The following PLIN5 variants were observed in gnomAD, a reference collection of about 807,000 sequenced individuals.
The protein encoded by PLIN5 is perilipin 5, also known as perilipin-5.
Under a neutral mutation model 32.8 loss-of-function variants are expected in PLIN5, and 34 were observed. The observed-to-expected ratio is 1.04, with a 90% CI of 0.79 to 1.38. PLIN5 has a LOEUF of 1.38. Ranked by LOEUF, PLIN5 falls within the 40% of genes most tolerant of loss-of-function variation. The pLI is 0.00. For missense variants in PLIN5, 712 were observed against 660.5 expected, an observed-to-expected ratio of 1.08 and a Z score of -0.85; for synonymous variants, 309 against 292.9, an observed-to-expected ratio of 1.05 and a Z score of -0.56.
At position 4,525,798 on chromosome 19, in the gene PLIN5, C is replaced by T; in HGVS notation, c.555G>A (p.Val185=). ...ALAAEAEGPE[V]GSVEDQRRQQ... ...GTCTCCTCTGATCCTCCACCGAACCCACTTCAGGGCCTTCAGCCTCAGCCG... is the reference window on the plus strand; with the variant it reads ...GTCTCCTCTGATCCTCCACCGAACCTACTTCAGGGCCTTCAGCCTCAGCCG... The change falls in exon 6 of 8, where the codon GTG becomes GTA. Residue 185 remains valine, a synonymous_variant. Coordinates refer to ENST00000381848, the MANE Select transcript of PLIN5 (RefSeq NM_001013706.3). This position sits in a 1 kb window ranked among gnomAD's most constrained non-coding sequence, Gnocchi z 5.6. The T allele has an allele frequency of 6.2e-7, 1 of 1,613,092 alleles. No individual in the cohort carries two copies. The highest frequency in any genetic ancestry group is 8.5e-7 in the Non-Finnish European group (1 of 1,179,888).
At chr19:4,528,450 C>T (rs1452141930) in intron 5 of PLIN5, 1 of 151,978 alleles carries the variant, frequency 6.6e-6, no homozygotes, top group Non-Finnish European at 1.5e-5. Context: ...GCACTGTGGC[C>T]TGGGCTGGAG....
chr19:4,523,568 C>A lies in PLIN5; in HGVS notation c.1352G>T (p.Cys451Phe). The A allele has an allele frequency of 6.3e-7, 1 of 1,594,966 alleles. No homozygotes were observed. Among genetic ancestry groups the A allele is most frequent in the Non-Finnish European group, 8.5e-7 (1 of 1,169,888 alleles). Residue 451 changes from cysteine to phenylalanine, a missense_variant, in exon 8 of 8, where the codon TGC becomes TTC. Transcript: ENST00000381848. This position sits in a 1 kb window ranked among gnomAD's most constrained non-coding sequence, Gnocchi z 5.0. Reference protein sequence around the residue: ...ICEQEPETPSCPVKHTLMPEL... With the variant: ...ICEQEPETPSFPVKHTLMPEL... ...GGGCATCAGGGTGTGCTTGACCGGG[C>A]AGCTGGGGGTCTCGGGTTCCTGCTC...
At chr19:4,532,811 G>A (rs1321951653) in intron 2 of PLIN5, 1 of 152,226 alleles carries the variant, frequency 6.6e-6, no homozygotes, top group East Asian at 1.9e-4. Flanking sequence ...TGGGATTACA[G>A]GTGCACACCA....
intron 4 of PLIN5, 75 bp downstream of exon 4, chr19:4,529,709 C>G (rs898700566): frequency 8.5e-7 from 1 of 1,171,176 alleles, no homozygotes; most frequent in Non-Finnish European, 1.3e-6. Flanking sequence ...CTGGTTGTCA[C>G]CATCCCTCCC....
intron 3 of PLIN5, among the ~76,000 whole-genome samples, chr19:4,530,995 G>T (rs1380426951): frequency 2.1e-5 from 3 of 144,308 alleles, no homozygotes; most frequent in African/African-American, 7.7e-5. Context: ...AGTTTTTTTT[G>T]TTTGTTTTTG....
In PLIN5 at chr19:4,525,106, G is replaced by T; in HGVS notation, c.721-30C>A. 2.0e-6 allele frequency: 2 copies of T among 1,021,364 alleles called. No homozygotes were observed. Among genetic ancestry groups the T allele is most frequent in the Non-Finnish European group, 2.6e-6 (2 of 767,666 alleles). The allele number at this position is 1,021,364 out of a possible 1,614,324, so 63.3% of individuals were successfully genotyped here. On this transcript the variant is annotated intron_variant, in intron 6 of 7. Transcript: ENST00000381848. This position sits in a 1 kb window ranked among gnomAD's most constrained non-coding sequence, Gnocchi z 5.6. ...AAGGACAGAAATGGTGGTCTTCAGA[G>T]CTGGGGGAGCTGGGGGAGCTGGGGG...
At chr19:4,529,411 C>CACCCTCTGTGAGGGA in intron 4 of PLIN5, 158 bp from the exon 5 acceptor site, 1 of 764,214 alleles carries the variant, frequency 1.3e-6, no homozygotes, top group Non-Finnish European at 2.1e-6. Context: ...CCTTCCCTCA[C>CACCCTCTGTGAGGGA]AGAGGGTGTT....
intron 3 of PLIN5, among the ~76,000 whole-genome samples, chr19:4,530,568 G>A (rs556835730): frequency 1.9e-4 from 29 of 152,252 alleles, no homozygotes; most frequent in African/African-American, 7.0e-4. Flanking sequence ...ATGGACCCAA[G>A]GCACATCAGG....
At position 4,527,701 on chromosome 19, in the gene PLIN5, C is replaced by T. The variant is rs182604041; in HGVS notation, c.520+1372G>A. Among the ~76,000 whole-genome samples, 59 of 151,476 alleles carry T rather than the reference C, an allele frequency of 3.9e-4. No homozygotes were observed. In the South Asian group the frequency reaches 6.9e-3, roughly 18 times the overall value. On this transcript the variant is annotated intron_variant, in intron 5 of 7. Transcript: ENST00000381848. ...CTCTACTAAATACACAAAAATTAGCCGGGTGTAGTGGTGGGTGCCTGTAAT... is the reference window on the plus strand; with the variant it reads ...CTCTACTAAATACACAAAAATTAGCTGGGTGTAGTGGTGGGTGCCTGTAAT...
chr19:4,525,846 T>TACGGGGACAGC lies in PLIN5; in HGVS notation c.521-25_521-15dup, dbSNP rs777453690. 3.4e-4 allele frequency: 528 copies of TACGGGGACAGC among 1,559,898 alleles called. 2 individuals carry two copies. In the East Asian group the frequency reaches 3.4e-3, roughly 10 times the overall value. On this transcript the variant is annotated splice_polypyrimidine_tract_variant and intron_variant, in intron 5 of 7. Transcript: ENST00000381848. The surrounding 1 kb of genome is among the most constrained non-coding windows in gnomAD (Gnocchi z 5.6). ...CCGCCAGTGCCGCTGGAGGACAGGA[T>TACGGGGACAGC]ACGGGGACAGCACGGGGACAGGATA...
chr19:4,529,517 T>A (rs978929171), intron 4 of PLIN5: 24 of 527,246 alleles, frequency 4.6e-5, no homozygotes, highest in African/African-American at 4.2e-4. Context: ...TACATGTATA[T>A]ATACACATAT....
Position 4,531,827 on chromosome 19 carries a change from G to T in PLIN5, c.61-5C>A. ...CACCACACGCTGCACCACGTTCTGC[G>T]GGAAGGGTCGGCATCAGGGGGACCC... On this transcript the variant is annotated splice_region_variant and splice_polypyrimidine_tract_variant and intron_variant, in intron 2 of 7. Coordinates refer to ENST00000381848, the MANE Select transcript of PLIN5 (RefSeq NM_001013706.3). 6.5e-7 allele frequency: 1 copy of T among 1,535,732 alleles called. No individual in the cohort carries two copies. The highest frequency in any genetic ancestry group is 2.4e-5 in the East Asian group (1 of 41,272).
chr19:4,529,509 C>T (rs1323165821), intron 4 of PLIN5: 3 of 518,780 alleles, frequency 5.8e-6, no homozygotes, highest in Admixed American at 3.5e-5. Context: ...TACATATATA[C>T]ATGTATATAT....
At chr19:4,524,912 T>G in intron 7 of PLIN5, 51 bp downstream of exon 7, 1 of 1,467,074 alleles carries the variant, frequency 6.8e-7, no homozygotes, top group Admixed American at 2.3e-5. Context: ...CCCCTCTTCC[T>G]CCGCGGCCTG....
Position 4,523,373 on chromosome 19 carries a change from G to C in PLIN5, c.*155C>G, listed in dbSNP as rs1976754500. ...ATGTGTTCAAGGAAAAAATGGGAGAGTCCAATACCAAAAAGGTGGTCAGAG... is the reference window on the plus strand; with the variant it reads ...ATGTGTTCAAGGAAAAAATGGGAGACTCCAATACCAAAAAGGTGGTCAGAG... On this transcript the variant is annotated 3_prime_UTR_variant, in exon 8 of 8. Coordinates refer to ENST00000381848, the MANE Select transcript of PLIN5 (RefSeq NM_001013706.3). This position sits in a 1 kb window ranked among gnomAD's most constrained non-coding sequence, Gnocchi z 5.0. 2 of 850,902 alleles carry C rather than the reference G, an allele frequency of 2.4e-6. No homozygotes were observed. The highest frequency in any genetic ancestry group is 3.4e-6 in the Non-Finnish European group (2 of 586,244). The allele number at this position is 850,902 out of a possible 1,614,324, so 52.7% of individuals were successfully genotyped here.
At chr19:4,532,304 G>C (rs1284994320) in intron 2 of PLIN5, 1 of 153,298 alleles carries the variant, frequency 6.5e-6, no homozygotes, top group Admixed American at 6.5e-5. Flanking sequence ...TGATTCTCCT[G>C]CCTCAGCCTC....
chr19:4,529,777 G>C lies in PLIN5; in HGVS notation c.339+7C>G. 1 of 1,609,962 alleles carries C rather than the reference G, an allele frequency of 6.2e-7. No individual in the cohort carries two copies. Among genetic ancestry groups the C allele is most frequent in the East Asian group, 2.2e-5 (1 of 44,730 alleles). On this transcript the variant is annotated splice_region_variant and intron_variant, in intron 4 of 7. Coordinates refer to ENST00000381848, the MANE Select transcript of PLIN5 (RefSeq NM_001013706.3). ...TGGAGGTCCCCATGTCTAGTCGTCC[G>C]GGGTACCGTCTCCGAAGGTTGCTGG... is the stretch of plus-strand genomic sequence containing the variant.
intron 5 of PLIN5, among the ~76,000 whole-genome samples, chr19:4,527,538 CAAAAAAAAA>C (rs1176219746): frequency 3.4e-5 from 1 of 29,682 alleles, no homozygotes; most frequent in Non-Finnish European, 6.2e-5. Flanking sequence ...GACTCCACTT[CAAAAAAAAA>C]AAAAAAAAAA....
chr19:4,534,183 C>T (rs993076425), intron 1 of PLIN5, 88 bp from the exon 2 acceptor site: 136 of 1,077,912 alleles, frequency 1.3e-4, no homozygotes, highest in Non-Finnish European at 1.5e-4. Context: ...ACTCTCAAAC[C>T]TCTTGGGGCC....
Sources: gnomAD v4.1 joint callset for allele counts (sites outside exome capture counted in the v4.1 genomes callset) on GRCh38, gnomAD v4.1.1 for gene constraint, Gnocchi (gnomAD v3.1) non-coding constraint, MANE v1.5 for transcripts, NCBI Gene and HGNC (gene_info 2026-07-23, HGNC 2026-07-21) for gene names.